The following MCTP1 variants were observed in gnomAD, a reference collection of about 807,000 sequenced individuals.
The protein encoded by MCTP1 is multiple C2 and transmembrane domain-containing protein 1.
In MCTP1, 69 loss-of-function variants were observed where a neutral mutation model predicts 120.6. That is an observed-to-expected ratio of 0.57 (90% confidence interval 0.47 to 0.70). The LOEUF (loss-of-function observed/expected upper bound fraction) is 0.70, where lower values mean the gene tolerates loss of function less well. MCTP1 is among the 30% of genes least tolerant of loss of function. The pLI is 0.00. For synonymous variants in MCTP1, 529 were observed against 493.1 expected (o/e 1.07, Z -0.96); for missense variants, 1,203 against 1,248.8 (o/e 0.96, Z 0.55).
intron 1 of MCTP1, among the ~76,000 whole-genome samples, chr5:95,030,831 G>GA (rs958342782): frequency 2.0e-5 from 3 of 151,730 alleles, no homozygotes; most frequent in African/African-American, 7.3e-5. Flanking sequence ...TAAATAGTTT[G>GA]AAAAAACAGA....
chr5:94,708,729 C>G (rs1035213991), intron 21 of MCTP1, 120 bp from the exon 22 acceptor site: 28 of 587,532 alleles, frequency 4.8e-5, no homozygotes, highest in African/African-American at 1.9e-5. Context: ...TCCCCCTCTT[C>G]CTCTTTTTCT....
At chr5:94,893,523 A>G in intron 11 of MCTP1, among the ~76,000 whole-genome samples, 1 of 152,224 alleles carries the variant, frequency 6.6e-6, no homozygotes, top group Non-Finnish European at 1.5e-5. Flanking sequence ...AGTCACCTCT[A>G]TTAAACTGTT....
chr5:94,877,319 C>T (rs1799099269), intron 12 of MCTP1, among the ~76,000 whole-genome samples: 1 of 151,980 alleles, frequency 6.6e-6, no homozygotes, highest in Non-Finnish European at 1.5e-5. Flanking sequence ...AAACTAGATA[C>T]ATAAAAATAT....
intron 1 of MCTP1, among the ~76,000 whole-genome samples, chr5:95,240,096 T>C (rs1755996083): frequency 6.6e-6 from 1 of 152,126 alleles, no homozygotes; most frequent in Non-Finnish European, 1.5e-5. Flanking sequence ...AATTTCATAA[T>C]TTTTATAACT....
At chr5:95,081,633 A>G (rs1284110425) in intron 1 of MCTP1, 2 of 1,340,728 alleles carry the variant, frequency 1.5e-6, no homozygotes, top group African/African-American at 2.9e-5. Flanking sequence ...TCTGCACAGC[A>G]GCGACTTGGA....
At chr5:94,825,277 T>C (rs924694732) in intron 17 of MCTP1, among the ~76,000 whole-genome samples, 2 of 152,218 alleles carry the variant, frequency 1.3e-5, no homozygotes, top group Admixed American at 1.3e-4. Flanking sequence ...TATTTATTTC[T>C]ACCTTAATTT....
intron 1 of MCTP1, among the ~76,000 whole-genome samples, chr5:95,028,145 G>T (rs1048109059): frequency 6.6e-6 from 1 of 152,138 alleles, no homozygotes; most frequent in Non-Finnish European, 1.5e-5. Context: ...CTATGGTTAG[G>T]ATGGCCATGT....
Position 95,214,972 on chromosome 5 carries a change from A to G in MCTP1, c.720+68884T>C, listed in dbSNP as rs1262253423. 2.6e-5 allele frequency among the ~76,000 whole-genome samples: 4 copies of G among 152,202 alleles called. 1 individual carries two copies. In the East Asian group the frequency reaches 7.7e-4, roughly 29 times the overall value. ...TGGCACATGTATACATATGTAACAA[A>G]CCTGCACGTTGTGCACACGTACCCT... is the stretch of plus-strand genomic sequence containing the variant. On this transcript the variant is annotated intron_variant, in intron 1 of 22. Coordinates refer to ENST00000515393, the MANE Select transcript of MCTP1 (RefSeq NM_024717.7).
intron 1 of MCTP1, among the ~76,000 whole-genome samples, chr5:95,201,553 G>T (rs1283424007): frequency 8.5e-6 from 1 of 117,246 alleles, no homozygotes; most frequent in Non-Finnish European, 1.6e-5. Flanking sequence ...TGCCCAGGCT[G>T]GAGCACATTG....
At chr5:94,886,025 C>T (rs1215648233) in intron 12 of MCTP1, among the ~76,000 whole-genome samples, 1 of 152,022 alleles carries the variant, frequency 6.6e-6, no homozygotes, top group Non-Finnish European at 1.5e-5. Flanking sequence ...GTGCACTGTC[C>T]AACACTGGGC....
At chr5:95,173,040 T>C (rs1415808661) in intron 1 of MCTP1, among the ~76,000 whole-genome samples, 1 of 152,214 alleles carries the variant, frequency 6.6e-6, no homozygotes, top group Non-Finnish European at 1.5e-5. Context: ...GTATAGTCTG[T>C]TGAACTGAAA....
rs456863 is a variant in MCTP1 at position 94,920,728 on chromosome 5, G to C, written c.1273-2755C>G. 6.0e-5 allele frequency among the ~76,000 whole-genome samples: 9 copies of C among 150,716 alleles called. No homozygotes were observed. The South Asian group carries it at 1.0e-3, about 18-fold the overall frequency. ...CTGCACTCCAGCCCGGGCGACAGAG[G>C]GAGATTCCGTCTCAAAATAAATAAA... On this transcript the variant is annotated intron_variant, in intron 7 of 22. Coordinates refer to ENST00000515393, the MANE Select transcript of MCTP1 (RefSeq NM_024717.7).
chr5:95,099,915 C>T (rs1247667232), intron 1 of MCTP1, among the ~76,000 whole-genome samples: 2 of 151,738 alleles, frequency 1.3e-5, no homozygotes, highest in South Asian at 2.1e-4. Context: ...AAATGTGGCA[C>T]ATATACACCA....
At chr5:95,173,475 A>C (rs936040403) in intron 1 of MCTP1, among the ~76,000 whole-genome samples, 1 of 152,204 alleles carries the variant, frequency 6.6e-6, no homozygotes, top group Non-Finnish European at 1.5e-5. Flanking sequence ...ACTCACCTCA[A>C]GTATAGCCAT....
At chr5:95,081,507 T>G in intron 1 of MCTP1, 1 of 1,603,464 alleles carries the variant, frequency 6.2e-7, no homozygotes, top group Non-Finnish European at 8.5e-7. Flanking sequence ...GAACAAAACA[T>G]CTTTCACTCC....
intron 1 of MCTP1, among the ~76,000 whole-genome samples, chr5:95,255,556 C>T (rs1757795963): frequency 6.6e-6 from 1 of 152,142 alleles, no homozygotes; most frequent in African/African-American, 2.4e-5. Flanking sequence ...GATCCCACAC[C>T]TACCCCTATG....
At chr5:94,937,676 T>C (rs1816524052) in intron 5 of MCTP1, among the ~76,000 whole-genome samples, 1 of 152,092 alleles carries the variant, frequency 6.6e-6, no homozygotes, top group South Asian at 2.1e-4. Context: ...GCCTGTGCTG[T>C]CATATTTCTG....
intron 1 of MCTP1, among the ~76,000 whole-genome samples, chr5:95,237,372 A>C (rs1022915725): frequency 1.3e-5 from 2 of 152,196 alleles, no homozygotes; most frequent in African/African-American, 4.8e-5. Context: ...TTTGCCATTA[A>C]AAATAACGGA....
chr5:95,189,406 T>G (rs1279403961), intron 1 of MCTP1, among the ~76,000 whole-genome samples: 1 of 152,218 alleles, frequency 6.6e-6, no homozygotes, highest in Non-Finnish European at 1.5e-5. Context: ...TATCAAAGCA[T>G]ATCCTTTAAA....
Sources: allele counts gnomAD v4.1 joint callset (sites outside exome capture counted in the v4.1 genomes callset), GRCh38; gene constraint gnomAD v4.1.1; transcripts MANE v1.5; gene names NCBI Gene and HGNC (gene_info 2026-07-23, HGNC 2026-07-21).